TRDN: variants seen among roughly 807,000 people sequenced by gnomAD.
The protein encoded by TRDN is triadin.
Under a neutral mutation model 149.7 loss-of-function variants are expected in TRDN, and 161 were observed. The ratio of observed to expected loss-of-function variants is 1.08; its 90% CI spans 0.95 to 1.23. The LOEUF is 1.23. Among genes scored for constraint, TRDN ranks in the 50% most tolerant of loss-of-function variants. TRDN has a pLI of 0.00. For missense variants in TRDN, 896 were observed against 823.5 expected, an observed-to-expected ratio of 1.09 and a Z score of -1.08; for synonymous variants, 294 against 250.5, an observed-to-expected ratio of 1.17 and a Z score of -1.64.
At chr6:123,246,067 C>A (rs1776164350) in intron 38 of TRDN, among the ~76,000 whole-genome samples, 1 of 152,118 alleles carries the variant, frequency 6.6e-6, no homozygotes, top group Non-Finnish European at 1.5e-5. Flanking sequence ...GTACCAGAAT[C>A]TCTGGAACAC....
intron 38 of TRDN, among the ~76,000 whole-genome samples, chr6:123,231,629 T>C (rs1255730651): frequency 1.3e-5 from 2 of 152,044 alleles, no homozygotes; most frequent in Admixed American, 1.3e-4. Context: ...ATTCCAAATT[T>C]ACAATGAAGA....
At position 123,292,820 on chromosome 6, in the gene TRDN, C is replaced by G. The variant is rs113719717; in HGVS notation, c.1511-13738G>C. On this transcript the variant is annotated intron_variant, in intron 24 of 40. Coordinates refer to ENST00000334268, the MANE Select transcript of TRDN (RefSeq NM_006073.4). Reference sequence around the variant, plus strand: ...CCTCTGCTATTTAAAGAATCAACATCTCAGCCAGAAGTAGTAACATGATGC... The same window carrying G: ...CCTCTGCTATTTAAAGAATCAACATGTCAGCCAGAAGTAGTAACATGATGC... Among the ~76,000 whole-genome samples the G allele has an allele frequency of 6.3e-3, 966 of 152,320 alleles. 6 individuals are homozygous for G. Among genetic ancestry groups the G allele is most frequent in the Non-Finnish European group, 1.0e-2 (677 of 68,036 alleles).
chr6:123,433,201 G>T (rs1774413166), intron 12 of TRDN, among the ~76,000 whole-genome samples: 1 of 139,836 alleles, frequency 7.2e-6, no homozygotes. Flanking sequence ...CAATGATCCA[G>T]CAATCAATGG....
At chr6:123,392,179 T>C (rs1772507028) in intron 13 of TRDN, among the ~76,000 whole-genome samples, 2 of 152,078 alleles carry the variant, frequency 1.3e-5, no homozygotes, top group African/African-American at 4.8e-5. Flanking sequence ...AAAATAAATA[T>C]TTTATTCCAA....
intron 21 of TRDN, among the ~76,000 whole-genome samples, chr6:123,344,403 C>T (rs1051895345): frequency 5.3e-5 from 8 of 151,954 alleles, no homozygotes; most frequent in African/African-American, 1.9e-4. Context: ...TTTCATTACC[C>T]TAAAAATTCT....
intron 12 of TRDN, among the ~76,000 whole-genome samples, chr6:123,400,167 G>GTGTGTATATATATATA (rs1554232309): frequency 3.2e-5 from 4 of 123,396 alleles, no homozygotes; most frequent in Admixed American, 2.6e-4. Flanking sequence ...ATATGTATGT[G>GTGTGTATATATATATA]TATATATATA....
intron 14 of TRDN, among the ~76,000 whole-genome samples, chr6:123,388,116 A>G (rs1445593329): frequency 6.6e-6 from 1 of 152,104 alleles, no homozygotes. Context: ...TGGGAGAAAA[A>G]AAAAAACAGA....
chr6:123,530,150 G>A (rs1010759376), intron 5 of TRDN, among the ~76,000 whole-genome samples: 8 of 151,064 alleles, frequency 5.3e-5, no homozygotes, highest in Non-Finnish European at 8.9e-5. Context: ...AAGGAATTCA[G>A]GTTAAAAAAA....
chr6:123,403,207 T>A (rs1773054362), intron 12 of TRDN, among the ~76,000 whole-genome samples: 3 of 152,136 alleles, frequency 2.0e-5, no homozygotes, highest in African/African-American at 7.2e-5. Flanking sequence ...GACATTTTTT[T>A]AAATGAGGCA....
At chr6:123,554,246 CT>C (rs2114465615) in intron 2 of TRDN, among the ~76,000 whole-genome samples, 1 of 152,152 alleles carries the variant, frequency 6.6e-6, no homozygotes, top group African/African-American at 2.4e-5. Context: ...GTATATGTTG[CT>C]GTATGTACCT....
chr6:123,408,693 G>C, intron 12 of TRDN, among the ~76,000 whole-genome samples: 1 of 131,822 alleles, frequency 7.6e-6, no homozygotes, highest in Admixed American at 7.6e-5. Flanking sequence ...AAAAAAAAAA[G>C]AATTGTTTGG....
chr6:123,426,101 A>C (rs1774109268), intron 12 of TRDN, among the ~76,000 whole-genome samples: 1 of 152,092 alleles, frequency 6.6e-6, no homozygotes, highest in African/African-American at 2.4e-5. Flanking sequence ...TGAACATTGA[A>C]ACCACTGTAT....
intron 21 of TRDN, among the ~76,000 whole-genome samples, chr6:123,338,621 T>G (rs1779957716): frequency 6.6e-6 from 1 of 152,156 alleles, no homozygotes; most frequent in Admixed American, 6.6e-5. Flanking sequence ...TTTACAAGAC[T>G]GCAGCCCAGC....
chr6:123,443,231 A>T (rs1465623657), intron 10 of TRDN, among the ~76,000 whole-genome samples: 1 of 149,146 alleles, frequency 6.7e-6, no homozygotes, highest in Non-Finnish European at 1.5e-5. Flanking sequence ...ATATATACAT[A>T]TACATATTAT....
intron 22 of TRDN, among the ~76,000 whole-genome samples, chr6:123,336,105 A>T (rs1052386505): frequency 6.7e-6 from 1 of 149,494 alleles, no homozygotes; most frequent in African/African-American, 2.4e-5. Context: ...TGTCCAATGC[A>T]TCTATGCCAA....
chr6:123,381,297 T>A, intron 16 of TRDN, 73 bp downstream of exon 16: 3 of 1,402,188 alleles, frequency 2.1e-6, no homozygotes, highest in Non-Finnish European at 2.0e-6. Flanking sequence ...AAATTGCAGG[T>A]CTAAATACAG....
intron 4 of TRDN, among the ~76,000 whole-genome samples, chr6:123,541,340 CGT>C (rs924438696): frequency 1.3e-5 from 2 of 152,126 alleles, no homozygotes; most frequent in African/African-American, 4.8e-5. Context: ...GGTCACTTTG[CGT>C]GCCTTGACAA....
chr6:123,324,746 T>C (rs1255205647), intron 23 of TRDN, among the ~76,000 whole-genome samples: 1 of 152,210 alleles, frequency 6.6e-6, no homozygotes, highest in East Asian at 1.9e-4. Flanking sequence ...AAATTCTCAG[T>C]GCTTGGATAC....
At chr6:123,270,603 G>A (rs1777173979) in intron 30 of TRDN, among the ~76,000 whole-genome samples, 1 of 151,910 alleles carries the variant, frequency 6.6e-6, no homozygotes, top group Non-Finnish European at 1.5e-5. Flanking sequence ...TGAATTGCAA[G>A]AGTATGTATC....
Sources: gnomAD v4.1 joint callset for allele counts (sites outside exome capture counted in the v4.1 genomes callset) on GRCh38, gnomAD v4.1.1 for gene constraint, MANE v1.5 for transcripts, NCBI Gene and HGNC (gene_info 2026-07-23, HGNC 2026-07-21) for gene names.